IL16: variants seen among roughly 807,000 people sequenced by gnomAD.
The protein encoded by IL16 is interleukin 16, also known as pro-interleukin-16.
Under a neutral mutation model 110.1 loss-of-function variants are expected in IL16, and 67 were observed. The ratio of observed to expected loss-of-function variants is 0.61; its 90% CI spans 0.50 to 0.75. IL16 has a LOEUF of 0.75. Among genes scored for constraint, IL16 ranks in the 30% least tolerant of loss-of-function variants. The probability of loss-of-function intolerance (pLI) is 0.00; values close to 1 mark genes in which losing one functional copy is unlikely to be tolerated. For synonymous variants in IL16, 689 were observed against 662.9 expected, an observed-to-expected ratio of 1.04 and a Z score of -0.61; for missense variants, 1,545 against 1,655.0, an observed-to-expected ratio of 0.93 and a Z score of 1.15.
At chr15:81,261,355 TGGCTCCCTGGCATCCCCAG>T (rs754278711) in intron 3 of IL16, among the ~76,000 whole-genome samples, 1 of 152,184 alleles carries the variant, frequency 6.6e-6, no homozygotes, top group African/African-American at 2.4e-5. Context: ...CAGAGCTCCC[TGGCTCCCTGGCATCCCCAG>T]GGCTCCCTGG....
At chr15:81,194,275 T>C (rs1895544945), upstream of IL16, among the ~76,000 whole-genome samples, 1 of 152,168 alleles carries the variant, frequency 6.6e-6, no homozygotes, top group Admixed American at 6.5e-5. Flanking sequence ...AAGCTCTTTA[T>C]TTTGCCATTG....
intron 6 of IL16, among the ~76,000 whole-genome samples, chr15:81,275,372 GAGGGGAGGGGAGGGGA>G (rs1898861576): frequency 1.9e-5 from 1 of 53,732 alleles, no homozygotes; most frequent in African/African-American, 1.1e-4. Flanking sequence ...GGGGGGAGGG[GAGGGGAGGGGAGGGGA>G]GGGGAGGGGA....
At chr15:81,182,827 GCTCT>G in exon 1 of IL16, 1 of 1,287,028 alleles carries the variant, frequency 7.8e-7, no homozygotes, top group South Asian at 1.2e-5. Flanking sequence ...ACTTTTCACA[GCTCT>G]CTCTCCCTCC....
intron 2 of IL16, among the ~76,000 whole-genome samples, chr15:81,243,935 TA>T (rs1277750286): frequency 6.6e-6 from 1 of 152,164 alleles, no homozygotes; most frequent in African/African-American, 2.4e-5. Flanking sequence ...TTGTGTCTTC[TA>T]TTTTTTATTG....
chr15:81,307,284 T>A (rs549346357), intron 18 of IL16, among the ~76,000 whole-genome samples: 1 of 152,304 alleles, frequency 6.6e-6, no homozygotes, highest in East Asian at 1.9e-4. Flanking sequence ...GCTCTGCCTG[T>A]AATGTGCTGA....
chr15:81,276,055 T>C (rs1898894824), intron 6 of IL16, among the ~76,000 whole-genome samples: 1 of 152,236 alleles, frequency 6.6e-6, no homozygotes, highest in Non-Finnish European at 1.5e-5. Flanking sequence ...TAATTAAGAA[T>C]GGACATTCTG....
chr15:81,185,085 T>C (rs1265306104), intron 1 of IL16, among the ~76,000 whole-genome samples: 1 of 152,164 alleles, frequency 6.6e-6, no homozygotes, highest in Admixed American at 6.5e-5. Flanking sequence ...TGCATAGGGC[T>C]GGAGGGTGGG....
rs184312376 is a variant in IL16 at position 81,199,540 on chromosome 15, C to T, written c.-102+2388C>T. Among the ~76,000 whole-genome samples the T allele has an allele frequency of 4.0e-3, 607 of 152,256 alleles. 4 individuals carry two copies. Among genetic ancestry groups the T allele is most frequent in the Middle Eastern group, 6.8e-3 (2 of 294 alleles). On this transcript the variant is annotated intron_variant, in intron 1 of 18. Coordinates refer to ENST00000683961, the MANE Select transcript of IL16 (RefSeq NM_172217.5). Reference sequence around the variant, plus strand: ...CGATGCTGGGATCCCGCGTGGAGATCTCCATCGGTCTTGCCCCTGGCTGAG... The same window carrying T: ...CGATGCTGGGATCCCGCGTGGAGATTTCCATCGGTCTTGCCCCTGGCTGAG...
intron 12 of IL16, among the ~76,000 whole-genome samples, chr15:81,293,558 G>A (rs17875484): frequency 0.014 from 2,062 of 152,226 alleles, 38 homozygotes; most frequent in African/African-American, 0.047. Context: ...AAAATTAGCC[G>A]GGTATGGTGG....
At chr15:81,183,229 C>G (rs762018180) in intron 1 of IL16, among the ~76,000 whole-genome samples, 21 of 152,284 alleles carry the variant, frequency 1.4e-4, no homozygotes, top group East Asian at 5.8e-4. Context: ...CCATGTGCCC[C>G]GGCTTCCTCT....
At chr15:81,186,690 G>A (rs551594545) in intron 1 of IL16, among the ~76,000 whole-genome samples, 2 of 152,290 alleles carry the variant, frequency 1.3e-5, no homozygotes, top group South Asian at 4.2e-4. Context: ...TGGAAAAGAG[G>A]AAAGAATTGT....
intron 5 of IL16, among the ~76,000 whole-genome samples, chr15:81,272,612 CT>C (rs1819809664): frequency 6.6e-6 from 1 of 152,156 alleles, no homozygotes; most frequent in East Asian, 1.9e-4. Context: ...GGGAGAAGGG[CT>C]ACATTGTAAA....
chr15:81,299,385 CA>C lies in IL16; in HGVS notation c.2062del (p.Thr688HisfsTer4). The C allele has an allele frequency of 1.2e-6, 2 of 1,612,534 alleles. No homozygotes were observed. The highest frequency in any genetic ancestry group is 1.7e-6 in the Non-Finnish European group (2 of 1,180,008). ...GCCTTGTTTCTGCACTGTAGTGACC[CA>C]AACATCCCCGATAAAACACCCACTG... is the stretch of plus-strand genomic sequence containing the variant. ...PGWRRASPVT[Q>X]TSPIKHPLLK... is the part of the protein sequence containing the mutation. On this transcript the variant is annotated frameshift_variant, in exon 14 of 19. Coordinates refer to ENST00000683961, the MANE Select transcript of IL16 (RefSeq NM_172217.5). LOFTEE classifies it high-confidence loss of function.
chr15:81,227,315 A>G (rs1000096495), intron 2 of IL16, among the ~76,000 whole-genome samples: 3 of 152,196 alleles, frequency 2.0e-5, no homozygotes, highest in Admixed American at 2.0e-4. Context: ...ATTAAGCAGG[A>G]TAAGGGGATA....
chr15:81,269,994 C>G (rs1203551440), intron 5 of IL16, among the ~76,000 whole-genome samples: 1 of 152,186 alleles, frequency 6.6e-6, no homozygotes, highest in Non-Finnish European at 1.5e-5. Flanking sequence ...ATTTCTGGAT[C>G]CTGAGTTTAC....
rs748192888 is a variant in IL16, at chr15:81,292,830, G to A, written c.1695G>A (p.Glu565=). The A allele has an allele frequency of 2.5e-6, 4 of 1,614,046 alleles. No individual in the cohort carries two copies. The South Asian group carries it at 4.4e-5, about 18-fold the overall frequency. The change falls in exon 12 of 19, where the codon GAG becomes GAA. Residue 565 remains glutamate (E), a synonymous_variant. Transcript: ENST00000683961. ...TAGCATCCTCCAGGCTGCCCCAGGA[G>A]AGCCCACCCCTCCCAGAGAGCCGGG... ...LSIASSRLPQ[E]SPPLPESRDS...
At chr15:81,215,591 G>A (rs68188101) in intron 1 of IL16, among the ~76,000 whole-genome samples, 12,819 of 152,154 alleles carry the variant, frequency 0.084, 553 homozygotes, top group Middle Eastern at 0.1. Flanking sequence ...TTGATCACCA[G>A]TTATGTGCCC....
chr15:81,297,131 A>T, intron 13 of IL16, 53 bp downstream of exon 13: 1 of 1,568,062 alleles, frequency 6.4e-7, no homozygotes, highest in South Asian at 1.1e-5. Context: ...AAAAAGGTGC[A>T]GGGATAAGAT....
chr15:81,230,577 C>T (rs923865150), intron 2 of IL16, among the ~76,000 whole-genome samples: 4 of 152,146 alleles, frequency 2.6e-5, no homozygotes, highest in African/African-American at 9.7e-5. Flanking sequence ...CTTATCTCTT[C>T]CCCAACCTGA....
Sources: allele counts gnomAD v4.1 joint callset (sites outside exome capture counted in the v4.1 genomes callset), GRCh38; gene constraint gnomAD v4.1.1; transcripts MANE v1.5; gene names NCBI Gene and HGNC (gene_info 2026-07-23, HGNC 2026-07-21).